The following ACADS variants were observed in gnomAD, a reference collection of about 807,000 sequenced individuals.
ACADS encodes the protein acyl-CoA dehydrogenase short chain.
ACADS carries 28 observed loss-of-function variants against 46.8 expected under a neutral mutation model. That is an observed-to-expected ratio of 0.60 (90% confidence interval 0.44 to 0.82). The LOEUF (loss-of-function observed/expected upper bound fraction) is 0.82. Ranked by LOEUF, ACADS falls within the 40% of genes least tolerant of loss-of-function variation. ACADS has a pLI of 0.00. For missense variants in ACADS, 528 were observed against 578.0 expected, an observed-to-expected ratio of 0.91 and a Z score of 0.89; for synonymous variants, 236 against 237.7, an observed-to-expected ratio of 0.99 and a Z score of 0.07.
rs1201935206 is a variant in ACADS at position 120,739,507 on chromosome 12, CAA to C, written c.*60_*61del. Reference sequence around the variant, plus strand: ...GCGCGGGAGCCAGGGGCCTCCACCCCAACCCCGGCTCAGAGACTGGGCGGCCC... The same window carrying C: ...GCGCGGGAGCCAGGGGCCTCCACCCCCCCCGGCTCAGAGACTGGGCGGCCC... On this transcript the variant is annotated 3_prime_UTR_variant, in exon 10 of 10. Transcript: ENST00000242592. 1 of 1,577,908 alleles carries C rather than the reference CAA, an allele frequency of 6.3e-7. No homozygotes were observed. The highest frequency in any genetic ancestry group is 8.6e-7 in the Non-Finnish European group (1 of 1,167,868).
chr12:120,725,850 G>A lies in ACADS; in HGVS notation c.-36G>A. ...CACTCCGGAACAGCGCGCTCGCAGC[G>A]GGAGGTCGCGAAGCCTGGGACTGTG... On this transcript the variant is annotated 5_prime_UTR_variant, in exon 1 of 10. Transcript: ENST00000242592. 6.5e-7 allele frequency: 1 copy of A among 1,531,696 alleles called. No individual in the cohort carries two copies. Among genetic ancestry groups the A allele is most frequent in the Non-Finnish European group, 8.7e-7 (1 of 1,146,482 alleles). The allele number at this position is 1,531,696 out of a possible 1,614,324, so 94.9% of individuals were successfully genotyped here. A position where few individuals can be genotyped will look rare whatever the true frequency, so the allele number is the denominator to read the frequency against.
At chr12:120,734,016 C>A (rs962382788) in intron 2 of ACADS, among the ~76,000 whole-genome samples, 1 of 152,132 alleles carries the variant, frequency 6.6e-6, no homozygotes, top group African/African-American at 2.4e-5. Context: ...CTGGGGAAAT[C>A]CACTCCTGTC....
chr12:120,738,912 C>G lies in ACADS; in HGVS notation c.1026C>G (p.Ile342Met). Reference protein sequence around the residue: ...AMLKDNKKPFIKEAAMAKLAA... With the variant: ...AMLKDNKKPFMKEAAMAKLAA... Reference sequence around the variant, plus strand: ...TGAAGGATAACAAGAAGCCTTTCATCAAGGTGCCCACAGGGGTCCCCGAGC... The same window carrying G: ...TGAAGGATAACAAGAAGCCTTTCATGAAGGTGCCCACAGGGGTCCCCGAGC... Residue 342 changes from isoleucine to methionine, a missense_variant, in exon 8 of 10, where the codon ATC becomes ATG. Physicochemically the swap from Ile to Met is conservative, Grantham distance 10 (BLOSUM62 1). Transcript: ENST00000242592. The G allele has an allele frequency of 6.2e-7, 1 of 1,613,508 alleles. No homozygotes were observed. The highest frequency in any genetic ancestry group is 8.5e-7 in the Non-Finnish European group (1 of 1,180,018).
chr12:120,737,107 C>T lies in ACADS; in HGVS notation c.332C>T (p.Ser111Phe), dbSNP rs747339462. 30 of 1,591,436 alleles carry T rather than the reference C, an allele frequency of 1.9e-5. No individual in the cohort carries two copies. Among genetic ancestry groups the T allele is most frequent in the Non-Finnish European group, 2.4e-5 (28 of 1,168,306 alleles). The change falls in exon 3 of 10, where the codon TCC becomes TTC. Residue 111 changes from serine to phenylalanine, a missense_variant. Transcript: ENST00000242592. Reference protein sequence around the residue: ...AMEEISRGCASTGVIMSVNNS... With the variant: ...AMEEISRGCAFTGVIMSVNNS... ...GAGGAGATCAGCCGTGGCTGCGCCT[C>T]CACCGGAGTCATCATGAGTGTCAAC...
In ACADS at chr12:120,739,455, G is replaced by C. The variant is rs760829554; in HGVS notation, c.*7G>C. 2.1e-5 allele frequency: 33 copies of C among 1,606,154 alleles called. No individual in the cohort carries two copies. The highest frequency in any genetic ancestry group is 2.7e-5 in the Non-Finnish European group (32 of 1,179,088). On this transcript the variant is annotated 3_prime_UTR_variant, in exon 10 of 10. Transcript: ENST00000242592. ...CAGGAGCTACCGGAGCTGAGCCCGCGGCGGACTGCCCCAGGACTGCGGGAA... is the reference window on the plus strand; with the variant it reads ...CAGGAGCTACCGGAGCTGAGCCCGCCGCGGACTGCCCCAGGACTGCGGGAA...
Position 120,725,828 on chromosome 12 carries a change from T to C in ACADS, c.-58T>C. On this transcript the variant is annotated 5_prime_UTR_variant, in exon 1 of 10. Coordinates refer to ENST00000242592, the MANE Select transcript of ACADS (RefSeq NM_000017.4). ...TGTCCCGGGTCCCGCCCCCCAGCACTCCGGAACAGCGCGCTCGCAGCGGGA... is the reference window on the plus strand; with the variant it reads ...TGTCCCGGGTCCCGCCCCCCAGCACCCCGGAACAGCGCGCTCGCAGCGGGA... 1 of 1,516,380 alleles carries C rather than the reference T, an allele frequency of 6.6e-7. No individual in the cohort carries two copies. Among genetic ancestry groups the C allele is most frequent in the Non-Finnish European group, 8.8e-7 (1 of 1,136,242 alleles). The allele number at this position is 1,516,380 out of a possible 1,614,324, so 93.9% of individuals were successfully genotyped here. A position where few individuals can be genotyped will look rare whatever the true frequency, so the allele number is the denominator to read the frequency against.
rs1227433768 is a variant in ACADS at position 120,737,366 on chromosome 12, T to G, written c.371T>G (p.Leu124Arg). Residue 124 changes from leucine to arginine, a missense_variant, in exon 4 of 10, where the codon CTG (leucine) becomes CGG (arginine). Leu to Arg is a moderately radical substitution (Grantham distance 102). Coordinates refer to ENST00000242592, the MANE Select transcript of ACADS (RefSeq NM_000017.4). The part of the protein sequence containing the change: ...VIMSVNNSLY[L>R]GPILKFGSKE... The stretch of plus-strand genomic sequence containing the variant: ...CCGCTGTCCTCCTAGTCTCTCTACC[T>G]GGGGCCCATCTTGAAGTTTGGCTCC... 6.2e-7 allele frequency: 1 copy of G among 1,614,016 alleles called. No homozygotes were observed. The highest frequency in any genetic ancestry group is 1.1e-5 in the South Asian group (1 of 91,076).
rs370622915 is a variant in ACADS, at chr12:120,727,009, T to C, written c.47-17T>C. ...CTCCTGCCTCCTCCTTCCACTCACT[T>C]CTGCCCTTGCCGGCAGCTCTCTGTC... On this transcript the variant is annotated splice_polypyrimidine_tract_variant and intron_variant, in intron 1 of 9. Transcript: ENST00000242592. The C allele has an allele frequency of 1.5e-5, 24 of 1,613,930 alleles. No individual in the cohort carries two copies. The highest frequency in any genetic ancestry group is 2.0e-5 in the Non-Finnish European group (24 of 1,180,016).
chr12:120,733,850 CAAAAAA>C (rs11405010), intron 2 of ACADS, among the ~76,000 whole-genome samples: 5 of 119,708 alleles, frequency 4.2e-5, no homozygotes, highest in Non-Finnish European at 5.4e-5. Flanking sequence ...CCATCTCTAC[CAAAAAA>C]AAAAAAAAAA....
Position 120,739,831 on chromosome 12 carries a change from C to G in ACADS, c.*383C>G, listed in dbSNP as rs780335677. The stretch of plus-strand genomic sequence containing the variant: ...CTGTCTTTTCCTTGAGGTCAGAGGT[C>G]AGGAGCAGGGCTGGGGTCAGGATGA... On this transcript the variant is annotated 3_prime_UTR_variant, in exon 10 of 10. Coordinates refer to ENST00000242592, the MANE Select transcript of ACADS (RefSeq NM_000017.4). 7.4e-6 allele frequency: 2 copies of G among 270,786 alleles called. No individual in the cohort carries two copies. The highest frequency in any genetic ancestry group is 1.5e-5 in the Non-Finnish European group (2 of 137,918). The allele number at this position is 270,786 out of a possible 1,614,324, so 16.8% of individuals were successfully genotyped here.
intron 2 of ACADS, among the ~76,000 whole-genome samples, chr12:120,729,369 T>C (rs1165373422): frequency 1.3e-5 from 2 of 151,580 alleles, no homozygotes; most frequent in Non-Finnish European, 2.9e-5. Flanking sequence ...GTGATTATCC[T>C]GCCTCAGCCT....
rs1281690498 is a variant in ACADS, at chr12:120,737,149, C to G, written c.360+14C>G. 3.2e-6 allele frequency: 5 copies of G among 1,570,058 alleles called. No individual in the cohort carries two copies. The highest frequency in any genetic ancestry group is 4.3e-6 in the Non-Finnish European group (5 of 1,156,544). ...AGTGTCAACAACGTGAGCCCCCTCC[C>G]AGGCCCCTGGGACACACGGGTGGAG... On this transcript the variant is annotated intron_variant, in intron 3 of 9. Coordinates refer to ENST00000242592, the MANE Select transcript of ACADS (RefSeq NM_000017.4).
intron 2 of ACADS, among the ~76,000 whole-genome samples, chr12:120,729,678 C>T (rs894078682): frequency 6.6e-6 from 1 of 152,164 alleles, no homozygotes; most frequent in Non-Finnish European, 1.5e-5. Flanking sequence ...GTGCACATTA[C>T]CATGGTTATT....
At chr12:120,738,137 C>T (rs1312127240) in intron 5 of ACADS, 143 bp from the exon 6 acceptor site, 4 of 1,567,964 alleles carry the variant, frequency 2.6e-6, no homozygotes, top group African/African-American at 2.7e-5. Context: ...CTGAAGCCTG[C>T]ACCTTCCCCA....
At chr12:120,731,436 G>A (rs923451295) in intron 2 of ACADS, among the ~76,000 whole-genome samples, 3 of 149,866 alleles carry the variant, frequency 2.0e-5, no homozygotes, top group Non-Finnish European at 3.0e-5. Context: ...CAGCAGCAGA[G>A]GTGTTCCTTA....
chr12:120,737,296 G>C (rs1046722810), intron 3 of ACADS, 60 bp from the exon 4 acceptor site: 3 of 1,555,776 alleles, frequency 1.9e-6, no homozygotes, highest in Non-Finnish European at 2.6e-6. Context: ...GGTGCAGCCC[G>C]CAGGTGGGCA....
intron 2 of ACADS, among the ~76,000 whole-genome samples, chr12:120,733,469 G>A (rs1212439648): frequency 6.6e-6 from 1 of 152,162 alleles, no homozygotes; most frequent in Admixed American, 6.6e-5. Flanking sequence ...GCAGGTCTGT[G>A]TCTCCAGGTC....
intron 2 of ACADS, among the ~76,000 whole-genome samples, chr12:120,731,627 G>A (rs1883249686): frequency 6.7e-6 from 1 of 150,104 alleles, no homozygotes; most frequent in African/African-American, 2.5e-5. Context: ...GCTAATTCTT[G>A]TATTTATTTT....
chr12:120,734,464 G>A (rs530475278), intron 2 of ACADS, among the ~76,000 whole-genome samples: 48 of 152,302 alleles, frequency 3.2e-4, no homozygotes, highest in Admixed American at 2.3e-3. Flanking sequence ...CGGAGATGAC[G>A]CTCCGCCCCG....
Sources: gnomAD v4.1 joint callset for allele counts (sites outside exome capture counted in the v4.1 genomes callset) on GRCh38, gnomAD v4.1.1 for gene constraint, MANE v1.5 for transcripts, NCBI Gene and HGNC (gene_info 2026-07-23, HGNC 2026-07-21) for gene names.